Variants in ATP13A4 observed in about 807,000 individuals in gnomAD.
The protein encoded by ATP13A4 is ATPase 13A4, also known as probable cation-transporting ATPase 13A4.
In ATP13A4, 114 loss-of-function variants were observed where a neutral mutation model predicts 142.5. That is an observed-to-expected ratio of 0.80 (90% CI 0.69 to 0.93). ATP13A4 has a LOEUF of 0.93. ATP13A4 is among the 40% of genes least tolerant of loss of function. The pLI, the probability that ATP13A4 is intolerant of heterozygous loss-of-function variation, is 0.00. For synonymous variants in ATP13A4, 488 were observed against 514.8 expected, an observed-to-expected ratio of 0.95 and a Z score of 0.70; for missense variants, 1,392 against 1,454.0, an observed-to-expected ratio of 0.96 and a Z score of 0.69.
At chr3:193,574,263 G>C (rs1274692211) in intron 2 of ATP13A4, among the ~76,000 whole-genome samples, 1 of 152,236 alleles carries the variant, frequency 6.6e-6, no homozygotes, top group Non-Finnish European at 1.5e-5. Context: ...GGAAAGTAGG[G>C]AACACAAGCT....
chr3:193,572,246 T>TA (rs1035862084), intron 2 of ATP13A4, among the ~76,000 whole-genome samples: 5 of 152,066 alleles, frequency 3.3e-5, no homozygotes, highest in African/African-American at 7.2e-5. Context: ...AGACCCTGTC[T>TA]AAAAAAATAG....
chr3:193,475,586 G>C (rs1718918202), intron 8 of ATP13A4, among the ~76,000 whole-genome samples: 1 of 151,872 alleles, frequency 6.6e-6, no homozygotes. Context: ...GAAAGGAGAG[G>C]AATAGGAACC....
At chr3:193,476,917 C>G (rs942698463) in intron 8 of ATP13A4, among the ~76,000 whole-genome samples, 1 of 151,992 alleles carries the variant, frequency 6.6e-6, no homozygotes, top group African/African-American at 2.4e-5. Flanking sequence ...ATTGCCTTAA[C>G]AGATATAATC....
chr3:193,477,487 A>C (rs1719034014), intron 8 of ATP13A4, among the ~76,000 whole-genome samples: 1 of 152,100 alleles, frequency 6.6e-6, no homozygotes. Context: ...TATATTTTTA[A>C]AAGGTAAAAA....
chr3:193,466,217 A>G (rs1369941702), intron 10 of ATP13A4, 35 bp from the exon 11 acceptor site: 2 of 1,612,660 alleles, frequency 1.2e-6, no homozygotes, highest in South Asian at 2.2e-5. Flanking sequence ...CACTCTCAGG[A>G]GACCAACGCT....
At chr3:193,459,269 C>T (rs1717816377) in intron 13 of ATP13A4, 38 bp from the exon 14 acceptor site, 5 of 1,613,214 alleles carry the variant, frequency 3.1e-6, no homozygotes, top group Middle Eastern at 1.7e-4. Flanking sequence ...ATTCCATCGC[C>T]TCATGCCAAA....
intron 2 of ATP13A4, among the ~76,000 whole-genome samples, chr3:193,507,186 A>G (rs577015968): frequency 3.3e-5 from 5 of 152,202 alleles, no homozygotes; most frequent in African/African-American, 1.2e-4. Flanking sequence ...ATACATTGCA[A>G]TGCTAAAAGG....
intron 1 of ATP13A4, among the ~76,000 whole-genome samples, chr3:193,539,904 G>T (rs931539358): frequency 2.0e-5 from 3 of 152,088 alleles, no homozygotes; most frequent in Non-Finnish European, 4.4e-5. Flanking sequence ...GACACTCTGT[G>T]GGAAATTATT....
chr3:193,589,101 C>T (rs1224479924), intron 1 of ATP13A4, among the ~76,000 whole-genome samples: 1 of 152,134 alleles, frequency 6.6e-6, no homozygotes, highest in Non-Finnish European at 1.5e-5. Flanking sequence ...GATTGTGCCA[C>T]TGCGCTCCAG....
At chr3:193,587,335 C>T (rs1724689098) in intron 1 of ATP13A4, among the ~76,000 whole-genome samples, 1 of 152,260 alleles carries the variant, frequency 6.6e-6, no homozygotes, top group African/African-American at 2.4e-5. Context: ...TGGCTACCAG[C>T]ATTCCTTGGC....
At chr3:193,576,249 C>CTTTTTTTTTTTTTTTTTTTTTTT (rs59910562) in intron 2 of ATP13A4, among the ~76,000 whole-genome samples, 1 of 54,364 alleles carries the variant, frequency 1.8e-5, no homozygotes, top group Non-Finnish European at 3.3e-5. Flanking sequence ...TTGAATCAAT[C>CTTTTTTTTTTTTTTTTTTTTTTT]TTTTTTTTTT....
At chr3:193,474,552 A>G (rs1718827160) in intron 8 of ATP13A4, among the ~76,000 whole-genome samples, 1 of 149,112 alleles carries the variant, frequency 6.7e-6, no homozygotes, top group African/African-American at 2.5e-5. Flanking sequence ...AGAGAGAGAG[A>G]AGAAAAAAGA....
upstream of ATP13A4, among the ~76,000 whole-genome samples, chr3:193,559,403 G>A (rs1167857783): frequency 6.6e-6 from 1 of 152,116 alleles, no homozygotes; most frequent in Non-Finnish European, 1.5e-5. Context: ...TCTGCTATTT[G>A]TAAAGTACTT....
At chr3:193,513,103 A>G (rs1290109539) in intron 2 of ATP13A4, among the ~76,000 whole-genome samples, 2 of 152,214 alleles carry the variant, frequency 1.3e-5, no homozygotes, top group African/African-American at 2.4e-5. Flanking sequence ...ATCATGGCTC[A>G]CATATCAGCT....
intron 25 of ATP13A4, among the ~76,000 whole-genome samples, chr3:193,423,142 C>G (rs1447255453): frequency 6.7e-6 from 1 of 149,640 alleles, no homozygotes; most frequent in Non-Finnish European, 1.5e-5. Context: ...TGGACACATA[C>G]AACCTACCAA....
At chr3:193,507,135 A>G (rs769015243) in intron 2 of ATP13A4, among the ~76,000 whole-genome samples, 16 of 152,188 alleles carry the variant, frequency 1.1e-4, no homozygotes, top group Non-Finnish European at 2.4e-4. Flanking sequence ...TCAAAGTTCC[A>G]ATGAGACATT....
intron 2 of ATP13A4, among the ~76,000 whole-genome samples, chr3:193,566,657 A>G (rs1466644571): frequency 6.6e-6 from 1 of 152,134 alleles, no homozygotes; most frequent in Non-Finnish European, 1.5e-5. Context: ...CAGTTGCCTC[A>G]CCATTCCTTT....
intron 8 of ATP13A4, among the ~76,000 whole-genome samples, chr3:193,473,677 T>A (rs569626852): frequency 2.0e-5 from 3 of 152,320 alleles, no homozygotes; most frequent in African/African-American, 7.2e-5. Flanking sequence ...TTATGTACCA[T>A]CTGAGAGGAA....
chr3:193,434,727 G>T (rs970318674), intron 24 of ATP13A4, among the ~76,000 whole-genome samples: 2 of 152,144 alleles, frequency 1.3e-5, no homozygotes, highest in Non-Finnish European at 2.9e-5. Context: ...TTTCCTTGGT[G>T]TTGGTTAATA....
Sources: gnomAD v4.1 joint callset for allele counts (sites outside exome capture counted in the v4.1 genomes callset) on GRCh38, gnomAD v4.1.1 for gene constraint, MANE v1.5 for transcripts, NCBI Gene and HGNC (gene_info 2026-07-23, HGNC 2026-07-21) for gene names.